Variants in CNTNAP2 observed in about 807,000 individuals in gnomAD.
The protein encoded by CNTNAP2 is contactin associated protein 2.
In CNTNAP2, 98 loss-of-function variants were observed where a neutral mutation model predicts 155.2. The ratio of observed to expected loss-of-function variants is 0.63; its 90% CI spans 0.54 to 0.75. The LOEUF (loss-of-function observed/expected upper bound fraction) is 0.75. Ranked by LOEUF, CNTNAP2 falls within the 30% of genes least tolerant of loss-of-function variation. The pLI, the probability that CNTNAP2 is intolerant of heterozygous loss-of-function variation, is 0.00. For missense variants in CNTNAP2, 1,727 were observed against 1,688.1 expected, an observed-to-expected ratio of 1.02 and a Z score of -0.40; for synonymous variants, 651 against 631.2, an observed-to-expected ratio of 1.03 and a Z score of -0.47.
At chr7:147,099,013 C>G (rs1800602213) in intron 4 of CNTNAP2, among the ~76,000 whole-genome samples, 1 of 151,548 alleles carries the variant, frequency 6.6e-6, no homozygotes, top group Admixed American at 6.6e-5. Flanking sequence ...CTCAGGGAAG[C>G]ACCAGGATCT....
intron 1 of CNTNAP2, among the ~76,000 whole-genome samples, chr7:146,484,527 G>A (rs1463777828): frequency 1.3e-5 from 2 of 152,012 alleles, no homozygotes; most frequent in Non-Finnish European, 2.9e-5. Flanking sequence ...ATCCTGAGTC[G>A]TTTATATTCA....
At chr7:148,297,496 C>G (rs1477881435) in intron 21 of CNTNAP2, among the ~76,000 whole-genome samples, 1 of 152,084 alleles carries the variant, frequency 6.6e-6, no homozygotes, top group Non-Finnish European at 1.5e-5. Context: ...GGAGATTGCT[C>G]ATTATGGAGA....
At chr7:147,636,222 C>A (rs1797858378) in intron 12 of CNTNAP2, among the ~76,000 whole-genome samples, 2 of 152,040 alleles carry the variant, frequency 1.3e-5, no homozygotes, top group South Asian at 2.1e-4. Flanking sequence ...TGTAACTGAA[C>A]TTTTCTGATT....
intron 20 of CNTNAP2, among the ~76,000 whole-genome samples, chr7:148,249,985 C>T (rs1796336914): frequency 6.6e-6 from 1 of 152,212 alleles, no homozygotes; most frequent in South Asian, 2.1e-4. Flanking sequence ...TGCTCAACAC[C>T]CACTGACAGT....
intron 12 of CNTNAP2, among the ~76,000 whole-genome samples, chr7:147,599,142 G>T (rs1286025194): frequency 6.6e-6 from 1 of 151,992 alleles, no homozygotes. Context: ...TAGAACAGGG[G>T]TTAAACGCTT....
At chr7:147,036,395 C>T (rs894722447) in intron 3 of CNTNAP2, among the ~76,000 whole-genome samples, 2 of 152,096 alleles carry the variant, frequency 1.3e-5, no homozygotes, top group Non-Finnish European at 2.9e-5. Context: ...TTGTGGATGA[C>T]TTACAATATG....
intron 22 of CNTNAP2, among the ~76,000 whole-genome samples, chr7:148,396,763 G>A (rs1042910156): frequency 1.3e-5 from 2 of 152,166 alleles, no homozygotes; most frequent in East Asian, 1.9e-4. Context: ...TTCTAAAGAC[G>A]GATGCAGATT....
chr7:148,104,251 T>C (rs1317867916), intron 15 of CNTNAP2, among the ~76,000 whole-genome samples: 1 of 152,188 alleles, frequency 6.6e-6, no homozygotes, highest in Non-Finnish European at 1.5e-5. Context: ...TTTCCTGTAA[T>C]GAAAAGAGCA....
intron 13 of CNTNAP2, among the ~76,000 whole-genome samples, chr7:147,879,605 G>A (rs1198911263): frequency 1.3e-5 from 2 of 152,096 alleles, no homozygotes; most frequent in Non-Finnish European, 2.9e-5. Flanking sequence ...TTACCTCTCT[G>A]GAAAGGGCAC....
intron 10 of CNTNAP2, among the ~76,000 whole-genome samples, chr7:147,446,498 T>C (rs1009138476): frequency 6.6e-6 from 1 of 152,026 alleles, no homozygotes; most frequent in Non-Finnish European, 1.5e-5. Flanking sequence ...ATGGAGTTAG[T>C]AGTAGACTGA....
At chr7:146,454,997 C>T (rs141146161) in intron 1 of CNTNAP2, among the ~76,000 whole-genome samples, 1 of 152,174 alleles carries the variant, frequency 6.6e-6, no homozygotes, top group Non-Finnish European at 1.5e-5. Flanking sequence ...TGCACACCTT[C>T]CTTTGTGCCC....
chr7:146,839,748 T>C lies in CNTNAP2; in HGVS notation c.246T>C (p.Tyr82=). 3.7e-6 allele frequency: 6 copies of C among 1,614,208 alleles called. No homozygotes were observed. The highest frequency in any genetic ancestry group is 5.1e-6 in the Non-Finnish European group (6 of 1,180,030). The change falls in exon 3 of 24, where the codon TAT becomes TAC. Residue 82 remains tyrosine, a synonymous_variant. Transcript: ENST00000361727. ...GGTCTCCATCAGACAGCGACCATTA[T>C]CAATGGCTTCAGGTTGACTTTGGCA... The part of the protein sequence containing the change: ...GGWSPSDSDH[Y]QWLQVDFGNR...
chr7:146,204,338 C>G (rs1203755489), intron 1 of CNTNAP2, among the ~76,000 whole-genome samples: 1 of 152,108 alleles, frequency 6.6e-6, no homozygotes, highest in Non-Finnish European at 1.5e-5. Context: ...GAAACTTGTT[C>G]TTAAAACCTG....
chr7:148,147,044 G>A (rs1248837229), intron 16 of CNTNAP2, among the ~76,000 whole-genome samples: 2 of 152,094 alleles, frequency 1.3e-5, no homozygotes, highest in African/African-American at 4.8e-5. Context: ...AGGTGACTAT[G>A]AATCACTTCC....
intron 1 of CNTNAP2, among the ~76,000 whole-genome samples, chr7:146,535,698 A>C (rs931820076): frequency 6.6e-6 from 1 of 151,652 alleles, no homozygotes; most frequent in African/African-American, 2.4e-5. Context: ...TTTGGGGTAC[A>C]ATTGAACCTT....
Position 146,446,416 on chromosome 7 carries a change from C to A in CNTNAP2, c.98-327855C>A, listed in dbSNP as rs115204452. Among the ~76,000 whole-genome samples, 1,351 of 150,924 alleles carry A rather than the reference C, an allele frequency of 9.0e-3. 21 individuals are homozygous for A. The highest frequency in any genetic ancestry group is 0.032 in the African/African-American group (1,294 of 40,452). ...GGAATGCCCAAGGCTGAGGGTGTTG[C>A]AGAAAATAAGATAAAAAAAAGAAAT... On this transcript the variant is annotated intron_variant, in intron 1 of 23. Coordinates refer to ENST00000361727, the MANE Select transcript of CNTNAP2 (RefSeq NM_014141.6).
chr7:146,738,128 C>T (rs35057869), intron 1 of CNTNAP2, among the ~76,000 whole-genome samples: 26,349 of 151,988 alleles, frequency 0.17, 2,545 homozygotes, highest in African/African-American at 0.25. Flanking sequence ...TTTATATTCC[C>T]ACAAATAGTG....
intron 1 of CNTNAP2, among the ~76,000 whole-genome samples, chr7:146,496,290 A>G (rs1039752547): frequency 6.6e-6 from 1 of 152,192 alleles, no homozygotes; most frequent in African/African-American, 2.4e-5. Flanking sequence ...CCATGTGGAA[A>G]CATGCTAAAG....
At chr7:147,114,720 G>C (rs1264296923) in intron 5 of CNTNAP2, among the ~76,000 whole-genome samples, 2 of 152,052 alleles carry the variant, frequency 1.3e-5, no homozygotes, top group African/African-American at 4.8e-5. Context: ...TGTGAGATGG[G>C]TCTCTTGAAG....
Sources: allele counts gnomAD v4.1 joint callset (sites outside exome capture counted in the v4.1 genomes callset), GRCh38; gene constraint gnomAD v4.1.1; transcripts MANE v1.5; gene names NCBI Gene and HGNC (gene_info 2026-07-23, HGNC 2026-07-21).